SEMA6D: variants seen among roughly 807,000 people sequenced by gnomAD.
SEMA6D encodes semaphorin 6D.
SEMA6D carries 35 observed loss-of-function variants against 106.6 expected under a neutral mutation model. That is an observed-to-expected ratio of 0.33 (90% confidence interval 0.25 to 0.44). The LOEUF (loss-of-function observed/expected upper bound fraction) is 0.44, where lower values mean the gene tolerates loss of function less well. Among genes scored for constraint, SEMA6D ranks in the 20% least tolerant of loss-of-function variants. The pLI is 1.00. For missense variants in SEMA6D, 1,185 were observed against 1,345.9 expected, an observed-to-expected ratio of 0.88 and a Z score of 1.87; for synonymous variants, 499 against 487.7, an observed-to-expected ratio of 1.02 and a Z score of -0.31.
chr15:47,719,831 A>G (rs1384854222), intron 1 of SEMA6D, among the ~76,000 whole-genome samples: 1 of 152,214 alleles, frequency 6.6e-6, no homozygotes, highest in East Asian at 1.9e-4. Context: ...CTAACTCAGG[A>G]AATTAAGTTG....
intron 1 of SEMA6D, among the ~76,000 whole-genome samples, chr15:47,411,014 G>A (rs1202949266): frequency 6.6e-6 from 1 of 151,764 alleles, no homozygotes; most frequent in Non-Finnish European, 1.5e-5. Context: ...CCTGACTCAT[G>A]CCATGGTGGA....
chr15:47,308,375 C>T (rs746183448), intron 1 of SEMA6D, among the ~76,000 whole-genome samples: 11 of 152,132 alleles, frequency 7.2e-5, no homozygotes, highest in Non-Finnish European at 1.6e-4. Flanking sequence ...CTGCATCTGG[C>T]ATAACTTCAG....
chr15:47,536,972 A>G (rs2045187301), intron 3 of SEMA6D, among the ~76,000 whole-genome samples: 1 of 152,218 alleles, frequency 6.6e-6, no homozygotes, highest in Non-Finnish European at 1.5e-5. Flanking sequence ...ACATTTAATT[A>G]AGAAAACATC....
At chr15:47,582,889 G>T (rs556537798) in intron 3 of SEMA6D, among the ~76,000 whole-genome samples, 17 of 152,098 alleles carry the variant, frequency 1.1e-4, no homozygotes, top group Non-Finnish European at 2.1e-4. Context: ...CGTAGACACT[G>T]CTATACCTTT....
intron 4 of SEMA6D, among the ~76,000 whole-genome samples, chr15:47,702,923 C>T (rs2078842566): frequency 6.6e-6 from 1 of 151,932 alleles, no homozygotes; most frequent in African/African-American, 2.4e-5. Context: ...TGTATAATAC[C>T]ATAATAGTGG....
At position 47,773,713 on chromosome 15, in the gene SEMA6D, A is replaced by G. The variant is rs1051355028; in HGVS notation, c.*1928A>G. 5 of 152,622 alleles carry G rather than the reference A, an allele frequency of 3.3e-5. No individual in the cohort carries two copies. The highest frequency in any genetic ancestry group is 7.2e-5 in the African/African-American group (3 of 41,434). 9.5% of individuals were successfully genotyped at this position (152,622 alleles called of 1,614,324 possible). A position where few individuals can be genotyped will look rare whatever the true frequency, so the allele number is the denominator to read the frequency against. On this transcript the variant is annotated 3_prime_UTR_variant, in exon 19 of 19. Coordinates refer to ENST00000536845, the MANE Select transcript of SEMA6D (RefSeq NM_001358351.3). ...GTGATCTCTGGAAGCGCTAAAGCTA[A>G]AATTTCTGTTCTTGAAACACTTCAG...
chr15:47,616,760 A>T (rs2077015469), intron 4 of SEMA6D, among the ~76,000 whole-genome samples: 1 of 152,018 alleles, frequency 6.6e-6, no homozygotes, highest in South Asian at 2.1e-4. Flanking sequence ...AAGACTGTAC[A>T]CCCAGTGTTG....
At position 47,748,717 on chromosome 15, in the gene SEMA6D, G is replaced by A. The variant is rs1001881350; in HGVS notation, c.-54-11028G>A. On this transcript the variant is annotated intron_variant, in intron 1 of 18. Transcript: ENST00000536845. ...TTAGGTGAGATGGAGAAGCTAGAAA[G>A]AATAAAATTGTGAAGGATCTTGTAA... 1.6e-4 allele frequency among the ~76,000 whole-genome samples: 25 copies of A among 152,186 alleles called. No homozygotes were observed. The East Asian group carries it at 1.9e-3, about 12-fold the overall frequency.
intron 1 of SEMA6D, among the ~76,000 whole-genome samples, chr15:47,250,383 A>G (rs1186979828): frequency 6.6e-6 from 1 of 152,018 alleles, no homozygotes; most frequent in African/African-American, 2.4e-5. Context: ...AGAGAGAAAG[A>G]GAAAAAGAGA....
chr15:47,322,255 A>G (rs1660733337), intron 1 of SEMA6D, among the ~76,000 whole-genome samples: 5 of 151,666 alleles, frequency 3.3e-5, no homozygotes, highest in South Asian at 2.1e-4. Context: ...ACGAAACTTC[A>G]TATCTTATTA....
chr15:47,364,306 A>G (rs1359181674), intron 1 of SEMA6D, among the ~76,000 whole-genome samples: 3 of 152,222 alleles, frequency 2.0e-5, no homozygotes, highest in Admixed American at 6.5e-5. Context: ...GACTGAATGC[A>G]TGAGCAGCAG....
intron 3 of SEMA6D, among the ~76,000 whole-genome samples, chr15:47,475,954 T>G (rs1423845064): frequency 2.6e-5 from 4 of 152,168 alleles, no homozygotes; most frequent in Non-Finnish European, 5.9e-5. Flanking sequence ...ATGACAGTGC[T>G]GCTGAATGGA....
chr15:47,290,763 C>G (rs2035563499), intron 1 of SEMA6D, among the ~76,000 whole-genome samples: 1 of 152,190 alleles, frequency 6.6e-6, no homozygotes, highest in Admixed American at 6.5e-5. Context: ...TGAATGAACA[C>G]TTTGTTAGTC....
chr15:47,673,975 A>T (rs546313416), intron 4 of SEMA6D, among the ~76,000 whole-genome samples: 64 of 152,194 alleles, frequency 4.2e-4, no homozygotes, highest in African/African-American at 1.5e-3. Flanking sequence ...ATTGTCTCCT[A>T]TCTGATTCAA....
intron 1 of SEMA6D, among the ~76,000 whole-genome samples, chr15:47,390,856 TC>T (rs1227100093): frequency 5.3e-5 from 8 of 152,294 alleles, no homozygotes; most frequent in Middle Eastern, 6.8e-3. Context: ...CTTCCATTTT[TC>T]ATATCGTTTG....
At chr15:47,666,802 T>C (rs1188482512) in intron 4 of SEMA6D, among the ~76,000 whole-genome samples, 1 of 152,212 alleles carries the variant, frequency 6.6e-6, no homozygotes, top group East Asian at 1.9e-4. Flanking sequence ...TGTAAATGTA[T>C]TTTAAGTGTT....
chr15:47,579,769 AT>A (rs1052454950), intron 3 of SEMA6D, among the ~76,000 whole-genome samples: 2 of 152,094 alleles, frequency 1.3e-5, no homozygotes, highest in African/African-American at 2.4e-5. Context: ...TCGTAAATAT[AT>A]GGTACTCACC....
chr15:47,755,740 T>A (rs114957924), intron 1 of SEMA6D, among the ~76,000 whole-genome samples: 198 of 152,068 alleles, frequency 1.3e-3, no homozygotes, highest in African/African-American at 4.4e-3. Flanking sequence ...AACTTGTGAC[T>A]GCCAGAAATT....
At chr15:47,554,520 A>G (rs1269575698) in intron 3 of SEMA6D, among the ~76,000 whole-genome samples, 1 of 152,246 alleles carries the variant, frequency 6.6e-6, no homozygotes, top group African/African-American at 2.4e-5. Context: ...GGCCTTCCAT[A>G]GATGGGAAAA....
Sources: allele counts gnomAD v4.1 joint callset (sites outside exome capture counted in the v4.1 genomes callset), GRCh38; gene constraint gnomAD v4.1.1; transcripts MANE v1.5; gene names NCBI Gene and HGNC (gene_info 2026-07-23, HGNC 2026-07-21).